The following AHCYL1 variants were observed in gnomAD, a reference collection of about 807,000 sequenced individuals.
AHCYL1 encodes S-adenosylhomocysteine hydrolase-like protein 1.
A neutral mutation model predicts 79.3 loss-of-function variants in AHCYL1; 20 were observed. The observed-to-expected ratio is 0.25, with a 90% confidence interval of 0.18 to 0.37. The LOEUF is 0.37. AHCYL1 is among the 10% of genes least tolerant of loss of function. AHCYL1 has a pLI of 1.00. For missense variants in AHCYL1, 330 were observed against 673.6 expected, an observed-to-expected ratio of 0.49 and a Z score of 5.65; for synonymous variants, 223 against 242.2, an observed-to-expected ratio of 0.92 and a Z score of 0.74.
intron 1 of AHCYL1, 74 bp downstream of exon 1, chr1:109,985,246 T>C: frequency 1.3e-6 from 2 of 1,526,822 alleles, no homozygotes; most frequent in Non-Finnish European, 1.8e-6. Context: ...GCCCGGGCTC[T>C]GGCTAGTTTG....
At chr1:109,997,702 A>G (rs1650096657) in intron 1 of AHCYL1, among the ~76,000 whole-genome samples, 1 of 152,228 alleles carries the variant, frequency 6.6e-6, no homozygotes, top group Non-Finnish European at 1.5e-5. Flanking sequence ...AGAAACATGA[A>G]TGAAATGGGA....
At chr1:110,017,466 A>C in intron 9 of AHCYL1, 29 bp from the exon 10 acceptor site, 2 of 1,609,508 alleles carry the variant, frequency 1.2e-6, no homozygotes, top group Non-Finnish European at 1.7e-6. Flanking sequence ...TAATGAACCT[A>C]ACGACTTGAC....
chr1:109,984,807 G>T lies in AHCYL1; in HGVS notation c.-246G>T. On this transcript the variant is annotated 5_prime_UTR_variant, in exon 1 of 17. Coordinates refer to ENST00000369799, the MANE Select transcript of AHCYL1 (RefSeq NM_006621.7). ...GCGTACAGCGGAGGTGGCGGCGCGG[G>T]CAGGTCGGAGCTCGGAGCTGCTGTT... 2.6e-6 allele frequency: 1 copy of T among 380,028 alleles called. No homozygotes were observed. Among genetic ancestry groups the T allele is most frequent in the Non-Finnish European group, 4.2e-6 (1 of 238,828 alleles). The allele number at this position is 380,028 out of a possible 1,614,324, so 23.5% of individuals were successfully genotyped here. A position where few individuals can be genotyped will look rare whatever the true frequency, so the allele number is the denominator to read the frequency against.
intron 7 of AHCYL1, 130 bp downstream of exon 7, chr1:110,015,661 G>A (rs1651371034): frequency 1.5e-6 from 1 of 684,734 alleles, no homozygotes; most frequent in Admixed American, 3.0e-5. Context: ...AAAATTTTGA[G>A]TTTTTACTTT....
Position 110,016,744 on chromosome 1 carries a change from T to A in AHCYL1, c.963+14T>A, listed in dbSNP as rs1651443426. Reference sequence around the variant, plus strand: ...GGCTATGGTGAGGTAAATAGCTGGGTCTCAGTGTCTCTTTCTTTTTGTGTA... The same window carrying A: ...GGCTATGGTGAGGTAAATAGCTGGGACTCAGTGTCTCTTTCTTTTTGTGTA... On this transcript the variant is annotated intron_variant, in intron 9 of 16. Transcript: ENST00000369799. The A allele has an allele frequency of 6.2e-7, 1 of 1,613,934 alleles. No individual in the cohort carries two copies. Among genetic ancestry groups the A allele is most frequent in the Non-Finnish European group, 8.5e-7 (1 of 1,179,956 alleles).
intron 1 of AHCYL1, among the ~76,000 whole-genome samples, chr1:109,991,638 C>T (rs896702755): frequency 6.6e-5 from 10 of 152,116 alleles, no homozygotes; most frequent in Admixed American, 3.3e-4. Context: ...CTTTTCTCTC[C>T]GGAACCTGCG....
At chr1:110,021,172 C>T (rs1346184604) in intron 16 of AHCYL1, among the ~76,000 whole-genome samples, 2 of 152,060 alleles carry the variant, frequency 1.3e-5, no homozygotes, top group Non-Finnish European at 2.9e-5. Context: ...ACCTGGGAGG[C>T]GGAGGTTGCA....
At chr1:109,988,985 T>C (rs1649608527) in intron 1 of AHCYL1, among the ~76,000 whole-genome samples, 1 of 152,212 alleles carries the variant, frequency 6.6e-6, no homozygotes, top group African/African-American at 2.4e-5. Flanking sequence ...ACGCCAGGAC[T>C]TGTCAGAATC....
At chr1:110,008,968 TAAAAA>T in intron 1 of AHCYL1, 61 bp from the exon 2 acceptor site, 2 of 1,084,510 alleles carry the variant, frequency 1.8e-6, no homozygotes, top group Admixed American at 2.2e-5. Flanking sequence ...AATGTATCCT[TAAAAA>T]AAAAAACATT....
chr1:109,986,204 C>T (rs1649459790), intron 1 of AHCYL1, among the ~76,000 whole-genome samples: 1 of 152,198 alleles, frequency 6.6e-6, no homozygotes, highest in African/African-American at 2.4e-5. Flanking sequence ...TCTTACAAAG[C>T]TGTCTCTGCC....
intron 1 of AHCYL1, among the ~76,000 whole-genome samples, chr1:109,987,114 G>C (rs1157875444): frequency 6.6e-6 from 1 of 152,126 alleles, no homozygotes. Flanking sequence ...TTATTCTTTA[G>C]CATTTACGTA....
At chr1:110,012,782 C>T in intron 4 of AHCYL1, 115 bp from the exon 5 acceptor site, 1 of 717,250 alleles carries the variant, frequency 1.4e-6, no homozygotes, top group South Asian at 2.3e-5. Context: ...TGTAACTTTC[C>T]AGTGTAGCAC....
chr1:109,989,565 A>C (rs570400415), intron 1 of AHCYL1, among the ~76,000 whole-genome samples: 1 of 152,144 alleles, frequency 6.6e-6, no homozygotes, highest in Non-Finnish European at 1.5e-5. Context: ...ATTTTGATAC[A>C]TGGAATCATG....
At chr1:110,021,560 G>T in intron 16 of AHCYL1, 114 bp from the exon 17 acceptor site, 10 of 960,820 alleles carry the variant, frequency 1.0e-5, no homozygotes, top group Non-Finnish European at 1.5e-5. Flanking sequence ...ATGACTGCAG[G>T]GATCCCACCC....
chr1:110,021,087 A>C (rs1046314142), intron 16 of AHCYL1, among the ~76,000 whole-genome samples: 8 of 152,144 alleles, frequency 5.3e-5, no homozygotes, highest in Admixed American at 3.3e-4. Flanking sequence ...GCGAAACCCT[A>C]TCTCTTAGCC....
In AHCYL1 at chr1:110,018,370, T is replaced by C; in HGVS notation, c.1124-3T>C. On this transcript the variant is annotated splice_polypyrimidine_tract_variant and splice_region_variant and intron_variant, in intron 11 of 16. Coordinates refer to ENST00000369799, the MANE Select transcript of AHCYL1 (RefSeq NM_006621.7). ...TTCCTTAACCACCCATCTTTTCTTT[T>C]AGGAAATAAGAATGTAGTGACACGG... The C allele has an allele frequency of 6.2e-7, 1 of 1,613,988 alleles. No individual in the cohort carries two copies. Among genetic ancestry groups the C allele is most frequent in the East Asian group, 2.2e-5 (1 of 44,872 alleles).
chr1:109,985,273 CTG>C (rs1455761771), intron 1 of AHCYL1, 101 bp downstream of exon 1: 9 of 1,460,632 alleles, frequency 6.2e-6, no homozygotes, highest in Non-Finnish European at 6.4e-6. Flanking sequence ...CTGGGGGTGA[CTG>C]GGGACGGCGG....
intron 1 of AHCYL1, among the ~76,000 whole-genome samples, chr1:109,996,286 C>A (rs1424724815): frequency 6.6e-6 from 1 of 152,198 alleles, no homozygotes; most frequent in Non-Finnish European, 1.5e-5. Flanking sequence ...TCTTGGTCCT[C>A]CCTCATGTGA....
At chr1:110,010,268 G>A (rs575090454) in intron 2 of AHCYL1, among the ~76,000 whole-genome samples, 2 of 152,316 alleles carry the variant, frequency 1.3e-5, no homozygotes, top group African/African-American at 4.8e-5. Context: ...ATGTCATAGT[G>A]GGGAAGATAA....
Sources: allele counts gnomAD v4.1 joint callset (sites outside exome capture counted in the v4.1 genomes callset), GRCh38; gene constraint gnomAD v4.1.1; transcripts MANE v1.5; gene names NCBI Gene and HGNC (gene_info 2026-07-23, HGNC 2026-07-21).